Variants in PCCA observed in about 807,000 individuals in gnomAD.
PCCA encodes propionyl-CoA carboxylase subunit alpha.
Under a neutral mutation model 101.3 loss-of-function variants are expected in PCCA, and 74 were observed. The observed-to-expected ratio is 0.73, with a 90% CI of 0.61 to 0.89. The LOEUF (loss-of-function observed/expected upper bound fraction) is 0.89, where lower values mean the gene tolerates loss of function less well. Ranked by LOEUF, PCCA falls within the 40% of genes least tolerant of loss-of-function variation. The pLI, the probability that PCCA is intolerant of heterozygous loss-of-function variation, is 0.00. For missense variants in PCCA, 891 were observed against 907.0 expected (o/e 0.98, Z 0.23); for synonymous variants, 294 against 313.6 (o/e 0.94, Z 0.66).
chr13:100,430,299 T>G (rs1396957340), intron 20 of PCCA, among the ~76,000 whole-genome samples: 2 of 151,636 alleles, frequency 1.3e-5, no homozygotes, highest in African/African-American at 4.8e-5. Context: ...AACCAAAACA[T>G]TATCAGTGCT....
intron 8 of PCCA, among the ~76,000 whole-genome samples, chr13:100,238,605 C>G (rs2060947084): frequency 6.6e-6 from 1 of 152,008 alleles, no homozygotes; most frequent in South Asian, 2.1e-4. Context: ...TAAAATAAAC[C>G]ATAAAGAACT....
chr13:100,485,409 G>A (rs1177025662), intron 21 of PCCA, among the ~76,000 whole-genome samples: 1 of 152,112 alleles, frequency 6.6e-6, no homozygotes, highest in African/African-American at 2.4e-5. Flanking sequence ...GAAATTGAAC[G>A]CAGATAGCAC....
At chr13:100,186,738 C>CAAAAAAAAAAAAAAAAA (rs376028376) in intron 6 of PCCA, among the ~76,000 whole-genome samples, 27 of 83,976 alleles carry the variant, frequency 3.2e-4, no homozygotes, top group African/African-American at 6.0e-4. Flanking sequence ...GATTCCATCT[C>CAAAAAAAAAAAAAAAAA]AAAAAAAAAA....
intron 8 of PCCA, among the ~76,000 whole-genome samples, chr13:100,249,008 C>T (rs1255711120): frequency 6.6e-6 from 1 of 152,138 alleles, no homozygotes; most frequent in Non-Finnish European, 1.5e-5. Context: ...CCCACCTCGG[C>T]CTCCCAAAGT....
intron 6 of PCCA, among the ~76,000 whole-genome samples, chr13:100,168,040 C>T (rs539165721): frequency 1.4e-4 from 21 of 152,208 alleles, no homozygotes; most frequent in Non-Finnish European, 2.1e-4. Flanking sequence ...TCACCACTGA[C>T]CCCCTCTTTT....
intron 6 of PCCA, among the ~76,000 whole-genome samples, chr13:100,157,840 CCTTATTTTTTAGGTA>C (rs570948566): frequency 0.011 from 1,616 of 152,148 alleles, 92 homozygotes; most frequent in Admixed American, 0.093. Flanking sequence ...GGTACTGAAA[CCTTATTTTTTAGGTA>C]CTAGAATATG....
At chr13:100,221,669 C>T (rs1277590468) in intron 7 of PCCA, among the ~76,000 whole-genome samples, 5 of 151,890 alleles carry the variant, frequency 3.3e-5, no homozygotes, top group Admixed American at 3.3e-4. Flanking sequence ...GACGCCACAG[C>T]TGAACCTGCA....
chr13:100,204,181 G>A lies in PCCA; in HGVS notation c.469-5151G>A, dbSNP rs371457024. Among the ~76,000 whole-genome samples the A allele has an allele frequency of 4.0e-5, 6 of 151,658 alleles. No homozygotes were observed. The East Asian group carries it at 1.2e-3, about 29-fold the overall frequency. ...GTCTTGCTCTGTCATCCAGGCTGGAGTGCAGCGGTGCAGTCTCGGCTCACT... is the reference window on the plus strand; with the variant it reads ...GTCTTGCTCTGTCATCCAGGCTGGAATGCAGCGGTGCAGTCTCGGCTCACT... On this transcript the variant is annotated intron_variant, in intron 6 of 23. Transcript: ENST00000376285.
chr13:100,329,696 G>C (rs1269692722), intron 16 of PCCA, among the ~76,000 whole-genome samples: 1 of 152,148 alleles, frequency 6.6e-6, no homozygotes, highest in African/African-American at 2.4e-5. Context: ...GTGATGAAAA[G>C]TGGATTTTAT....
chr13:100,501,667 T>C (rs1890317), intron 21 of PCCA, among the ~76,000 whole-genome samples: 3 of 151,786 alleles, frequency 2.0e-5, no homozygotes, highest in Non-Finnish European at 2.9e-5. Flanking sequence ...AGGTCAGGAG[T>C]TTGAGGCCAG....
chr13:100,155,732 A>T (rs2053817173), intron 5 of PCCA, among the ~76,000 whole-genome samples: 2 of 152,212 alleles, frequency 1.3e-5, no homozygotes, highest in Admixed American at 1.3e-4. Flanking sequence ...GTTAAAAACT[A>T]TGCAAAGTTA....
At chr13:100,194,433 T>A (rs1324001875) in intron 6 of PCCA, among the ~76,000 whole-genome samples, 1 of 152,154 alleles carries the variant, frequency 6.6e-6, no homozygotes. Context: ...TATTATTATT[T>A]TTGAGACGGA....
chr13:100,483,557 C>T (rs1216435442), intron 21 of PCCA, among the ~76,000 whole-genome samples: 1 of 152,242 alleles, frequency 6.6e-6, no homozygotes. Context: ...ATAAACTATA[C>T]CGCCCTCTTG....
At chr13:100,099,525 G>T (rs1415786896) in intron 1 of PCCA, among the ~76,000 whole-genome samples, 1 of 151,950 alleles carries the variant, frequency 6.6e-6, no homozygotes, top group Non-Finnish European at 1.5e-5. Flanking sequence ...CACTGTGTTA[G>T]CCAGGATGGT....
At chr13:100,329,939 C>T (rs988649971) in intron 16 of PCCA, among the ~76,000 whole-genome samples, 87 of 152,278 alleles carry the variant, frequency 5.7e-4, no homozygotes, top group African/African-American at 1.9e-3. Context: ...CGTTGGTCAA[C>T]GAGAAATGTC....
chr13:100,456,450 C>G (rs1224597058), intron 21 of PCCA, among the ~76,000 whole-genome samples: 1 of 152,076 alleles, frequency 6.6e-6, no homozygotes, highest in Non-Finnish European at 1.5e-5. Context: ...AGACACAAGA[C>G]AAAGAGATAA....
At chr13:100,376,462 C>T (rs1416214507) in intron 19 of PCCA, among the ~76,000 whole-genome samples, 1 of 152,198 alleles carries the variant, frequency 6.6e-6, no homozygotes, top group African/African-American at 2.4e-5. Flanking sequence ...TGCCCCTTCC[C>T]CCAGGTACTC....
intron 21 of PCCA, among the ~76,000 whole-genome samples, chr13:100,486,149 A>G (rs550167792): frequency 6.6e-6 from 1 of 152,336 alleles, no homozygotes; most frequent in Admixed American, 6.5e-5. Context: ...TTCCTGAAGG[A>G]AGGACTCTGG....
At position 100,232,004 on chromosome 13, in the gene PCCA, C is replaced by T. The variant is rs115220455; in HGVS notation, c.601-3838C>T. On this transcript the variant is annotated intron_variant, in intron 7 of 23. Transcript: ENST00000376285. The stretch of plus-strand genomic sequence containing the variant: ...GCTATGTACTCCAACTTGCTACCCC[C>T]GCCCCCAGTATATACTTTATTTTGC... 2.0e-3 allele frequency among the ~76,000 whole-genome samples: 299 copies of T among 152,272 alleles called. 2 individuals carry two copies. The highest frequency in any genetic ancestry group is 6.8e-3 in the African/African-American group (284 of 41,550).
Sources: allele counts gnomAD v4.1 joint callset (sites outside exome capture counted in the v4.1 genomes callset), GRCh38; gene constraint gnomAD v4.1.1; transcripts MANE v1.5; gene names NCBI Gene and HGNC (gene_info 2026-07-23, HGNC 2026-07-21).